SENP5: variants seen among roughly 807,000 people sequenced by gnomAD.
SENP5 encodes the protein SUMO specific peptidase 5.
A neutral mutation model predicts 74.2 loss-of-function variants in SENP5; 21 were observed. That is an observed-to-expected ratio of 0.28 (90% confidence interval 0.20 to 0.41). The LOEUF is 0.41. SENP5 is among the 10% of genes least tolerant of loss of function. The probability of loss-of-function intolerance (pLI) is 1.00; values close to 1 mark genes in which losing one functional copy is unlikely to be tolerated. For synonymous variants in SENP5, 311 were observed against 312.7 expected, an observed-to-expected ratio of 0.99 and a Z score of 0.06; for missense variants, 717 against 889.1, an observed-to-expected ratio of 0.81 and a Z score of 2.46.
intron 2 of SENP5, among the ~76,000 whole-genome samples, chr3:196,896,582 G>A (rs1323131255): frequency 6.6e-6 from 1 of 152,178 alleles, no homozygotes; most frequent in Non-Finnish European, 1.5e-5. Flanking sequence ...AGTCTCCCAA[G>A]TAGCTGAGAT....
intron 6 of SENP5, chr3:196,913,242 C>A (rs1241232232): frequency 2.0e-5 from 3 of 152,180 alleles, no homozygotes; most frequent in Admixed American, 6.5e-5. Flanking sequence ...ACATTTATTG[C>A]TATGGTTCAG....
intron 2 of SENP5, among the ~76,000 whole-genome samples, chr3:196,888,616 T>G (rs185147182): frequency 2.0e-5 from 3 of 150,364 alleles, no homozygotes; most frequent in African/African-American, 7.3e-5. Context: ...GTGAAAACAG[T>G]AAGTTGCAAA....
At chr3:196,881,491 T>C (rs1238286605) in intron 1 of SENP5, among the ~76,000 whole-genome samples, 1 of 152,248 alleles carries the variant, frequency 6.6e-6, no homozygotes, top group African/African-American at 2.4e-5. Context: ...GAATGTGTTA[T>C]AATTTTTGCC....
intron 2 of SENP5, among the ~76,000 whole-genome samples, chr3:196,893,226 C>T (rs1410327509): frequency 6.6e-6 from 1 of 152,130 alleles, no homozygotes; most frequent in Non-Finnish European, 1.5e-5. Flanking sequence ...TATGTTCTTG[C>T]TATTCGTTGT....
Position 196,886,916 on chromosome 3 carries a change from G to A in SENP5, c.1513+222G>A, listed in dbSNP as rs59300994. Reference sequence around the variant, plus strand: ...CATTTTTTTCATAAGCTAATAGTGCGATGAAATTATGTCTTTACATTTATA... The same window carrying A: ...CATTTTTTTCATAAGCTAATAGTGCAATGAAATTATGTCTTTACATTTATA... On this transcript the variant is annotated intron_variant, in intron 2 of 9. Coordinates refer to ENST00000323460, the MANE Select transcript of SENP5 (RefSeq NM_152699.5). Among the ~76,000 whole-genome samples the A allele has an allele frequency of 5.2e-3, 790 of 152,156 alleles. 7 individuals are homozygous for A. The highest frequency in any genetic ancestry group is 0.018 in the African/African-American group (742 of 41,532).
chr3:196,910,545 G>A (rs185044265), intron 6 of SENP5, among the ~76,000 whole-genome samples: 66 of 151,216 alleles, frequency 4.4e-4, no homozygotes, highest in African/African-American at 1.5e-3. Context: ...ACAGGGTTTC[G>A]CCGTGTTAGC....
At chr3:196,914,564 T>TTAAAAAAAAAAA (rs1229499065) in intron 6 of SENP5, 1 of 26,336 alleles carries the variant, frequency 3.8e-5, no homozygotes, top group African/African-American at 1.5e-4. Flanking sequence ...AGGTTTGCTT[T>TTAAAAAAAAAAA]AAAAAAAAAA....
At position 196,919,218 on chromosome 3, in the gene SENP5, C is replaced by T. The variant is rs114554775; in HGVS notation, c.1885-4196C>T. On this transcript the variant is annotated intron_variant, in intron 6 of 9. Coordinates refer to ENST00000323460, the MANE Select transcript of SENP5 (RefSeq NM_152699.5). ...ACAAAGGGCCAGGTGCAGTGGCTTA[C>T]GCCTGTAATCCTATTAGTTTGGGAG... Among the ~76,000 whole-genome samples the T allele has an allele frequency of 9.2e-3, 1,397 of 152,336 alleles. 20 individuals are homozygous for T. The highest frequency in any genetic ancestry group is 0.032 in the African/African-American group (1,331 of 41,586).
At chr3:196,880,650 T>C (rs1265731758) in intron 1 of SENP5, among the ~76,000 whole-genome samples, 1 of 149,834 alleles carries the variant, frequency 6.7e-6, no homozygotes, top group East Asian at 2.0e-4. Flanking sequence ...TTTTTTTTTT[T>C]TTTTTTTTGA....
intron 6 of SENP5, chr3:196,912,502 T>C (rs555051410): frequency 6.6e-6 from 1 of 151,912 alleles, no homozygotes; most frequent in East Asian, 1.9e-4. Context: ...GACAGCGGGG[T>C]GCGGTGGTTC....
intron 1 of SENP5, among the ~76,000 whole-genome samples, chr3:196,868,895 A>ATTTGTTTTTT (rs1713073335): frequency 1.5e-4 from 3 of 19,678 alleles, no homozygotes; most frequent in African/African-American, 3.1e-4. Flanking sequence ...TTTTTTTTGC[A>ATTTGTTTTTT]TTTTGCCCGG....
intron 1 of SENP5, among the ~76,000 whole-genome samples, chr3:196,872,501 CATTCTT>C (rs2108802556): frequency 6.6e-6 from 1 of 152,256 alleles, no homozygotes; most frequent in Admixed American, 6.5e-5. Context: ...TGTAAACACT[CATTCTT>C]GTTCATTTAA....
chr3:196,884,156 C>T lies in SENP5; in HGVS notation c.-31-995C>T, dbSNP rs1031217148. The stretch of plus-strand genomic sequence containing the variant: ...GGTACTTTTGTTCTGTATAGTCATG[C>T]ACCAGTAGATATTTAGTAAATACAT... On this transcript the variant is annotated intron_variant, in intron 1 of 9. Coordinates refer to ENST00000323460, the MANE Select transcript of SENP5 (RefSeq NM_152699.5). 6.6e-5 allele frequency among the ~76,000 whole-genome samples: 10 copies of T among 152,292 alleles called. No individual in the cohort carries two copies. In the South Asian group the frequency reaches 1.0e-3, roughly 16 times the overall value.
At chr3:196,914,585 AAAT>A (rs1438219254) in intron 6 of SENP5, 33 of 92,482 alleles carry the variant, frequency 3.6e-4, no homozygotes, top group East Asian at 3.1e-3. Flanking sequence ...AAAAAAAAAA[AAAT>A]ATATATATAT....
intron 5 of SENP5, 76 bp downstream of exon 5, chr3:196,900,488 TTGATG>T (rs1417595406): frequency 2.7e-5 from 34 of 1,248,308 alleles, no homozygotes; most frequent in Middle Eastern, 4.1e-4. Flanking sequence ...GTTTTTACAT[TTGATG>T]TAATTATCTG....
chr3:196,918,833 A>G (rs776460396), intron 6 of SENP5, among the ~76,000 whole-genome samples: 5 of 151,610 alleles, frequency 3.3e-5, no homozygotes, highest in Non-Finnish European at 2.9e-5. Context: ...CTCTTTTTCC[A>G]TACAAACAGA....
chr3:196,921,376 C>G (rs1361082045), intron 6 of SENP5, among the ~76,000 whole-genome samples: 1 of 152,118 alleles, frequency 6.6e-6, no homozygotes, highest in Non-Finnish European at 1.5e-5. Flanking sequence ...TGGAGGATTT[C>G]AGGTTTTTGG....
chr3:196,887,547 C>T (rs545208829), intron 2 of SENP5, among the ~76,000 whole-genome samples: 1 of 151,588 alleles, frequency 6.6e-6, no homozygotes, highest in South Asian at 2.1e-4. Context: ...GCTCAATGTA[C>T]CAGGCACTGT....
At chr3:196,910,849 A>G (rs1258924243) in intron 6 of SENP5, among the ~76,000 whole-genome samples, 1 of 152,200 alleles carries the variant, frequency 6.6e-6, no homozygotes, top group Non-Finnish European at 1.5e-5. Flanking sequence ...TAGCCAAAAC[A>G]ACGTGGTATT....
Sources: allele counts gnomAD v4.1 joint callset (sites outside exome capture counted in the v4.1 genomes callset), GRCh38; gene constraint gnomAD v4.1.1; transcripts MANE v1.5; gene names NCBI Gene and HGNC (gene_info 2026-07-23, HGNC 2026-07-21).